The following WHRN variants were observed in gnomAD, a reference collection of about 807,000 sequenced individuals.
WHRN encodes whirlin.
Under a neutral mutation model 68.3 loss-of-function variants are expected in WHRN, and 41 were observed. That is an observed-to-expected ratio of 0.60 (90% CI 0.47 to 0.78). WHRN has a LOEUF of 0.78. Among genes scored for constraint, WHRN ranks in the 30% least tolerant of loss-of-function variants. The pLI, the probability that WHRN is intolerant of heterozygous loss-of-function variation, is 0.00. For synonymous variants in WHRN, 560 were observed against 561.3 expected (o/e 1.00, Z 0.03); for missense variants, 1,243 against 1,244.7 (o/e 1.00, Z 0.02).
intron 3 of WHRN, among the ~76,000 whole-genome samples, chr9:114,459,228 C>A (rs565206783): frequency 6.6e-6 from 1 of 151,984 alleles, no homozygotes; most frequent in African/African-American, 2.4e-5. Flanking sequence ...GAGGCCAAGG[C>A]GGGCGGATCA....
Position 114,402,704 on chromosome 9 carries a change from G to A in WHRN, c.*50C>T. The A allele has an allele frequency of 6.2e-7, 1 of 1,609,736 alleles. No individual in the cohort carries two copies. Among genetic ancestry groups the A allele is most frequent in the South Asian group, 1.1e-5 (1 of 90,918 alleles). On this transcript the variant is annotated 3_prime_UTR_variant, in exon 12 of 12. Transcript: ENST00000362057. ...CTTGATGAAGCCAACGGTGGAAAGGGACTGGGACCAGGGGCTGGGCAGTGG... is the reference window on the plus strand; with the variant it reads ...CTTGATGAAGCCAACGGTGGAAAGGAACTGGGACCAGGGGCTGGGCAGTGG...
At chr9:114,435,862 C>T (rs1837803102) in intron 3 of WHRN, among the ~76,000 whole-genome samples, 1 of 151,062 alleles carries the variant, frequency 6.6e-6, no homozygotes, top group Non-Finnish European at 1.5e-5. Context: ...TTAACAACAC[C>T]TATATGAAGA....
rs150534136 is a variant in WHRN, at chr9:114,406,902, G to A, written c.1699-10C>T. ...TGGATCTGACATCATCCTGCCAAAA[G>A]ACCCAACAGGCGGAGAAGGAGTCAG... On this transcript the variant is annotated splice_polypyrimidine_tract_variant and intron_variant, in intron 8 of 11. Transcript: ENST00000362057. 2.4e-5 allele frequency: 38 copies of A among 1,563,196 alleles called. No individual in the cohort carries two copies. In the African/African-American group the frequency reaches 3.3e-4, roughly 13 times the overall value.
At chr9:114,477,595 A>G (rs1841754584) in intron 2 of WHRN, among the ~76,000 whole-genome samples, 1 of 152,030 alleles carries the variant, frequency 6.6e-6, no homozygotes, top group Non-Finnish European at 1.5e-5. Context: ...GGTCTTGTCA[A>G]TCAAAGTCCC....
intron 1 of WHRN, among the ~76,000 whole-genome samples, chr9:114,492,421 G>A (rs1466122157): frequency 2.6e-5 from 4 of 152,238 alleles, no homozygotes; most frequent in Middle Eastern, 3.4e-3. Context: ...TCTTCACTAC[G>A]ATATATTATG....
chr9:114,418,254 G>A (rs1299215870), intron 7 of WHRN, among the ~76,000 whole-genome samples: 1 of 152,180 alleles, frequency 6.6e-6, no homozygotes, highest in East Asian at 1.9e-4. Flanking sequence ...GGAAGGGTGA[G>A]CAAAAGGGCC....
rs201299182 is a variant in WHRN, at chr9:114,424,453, G to C, written c.1297C>G (p.Leu433Val). ...RVLLEEQARHLLNEQEHATMA... is the reference protein window; with the variant it reads ...RVLLEEQARHVLNEQEHATMA... ...GTGGCGTGTTCCTGCTCGTTCAGCAGGTGCCGAGCCTGCTCCTCCAGCAGC... is the reference window on the plus strand; with the variant it reads ...GTGGCGTGTTCCTGCTCGTTCAGCACGTGCCGAGCCTGCTCCTCCAGCAGC... Residue 433 changes from leucine to valine, a missense_variant, in exon 6 of 12, where the codon CTG becomes GTG. Physicochemically the swap from Leu to Val is conservative, Grantham distance 32 (BLOSUM62 1). Transcript: ENST00000362057. 1 of 1,613,840 alleles carries C rather than the reference G, an allele frequency of 6.2e-7. No individual in the cohort carries two copies. Among genetic ancestry groups the C allele is most frequent in the Non-Finnish European group, 8.5e-7 (1 of 1,180,000 alleles).
rs544275290 is a variant in WHRN, at chr9:114,493,873, T to C, written c.618+10311A>G. 8.5e-5 allele frequency among the ~76,000 whole-genome samples: 13 copies of C among 152,244 alleles called. No homozygotes were observed. The East Asian group carries it at 2.5e-3, about 29-fold the overall frequency. On this transcript the variant is annotated intron_variant, in intron 1 of 11. Transcript: ENST00000362057. ...AAAGCCATTTCCACAAGGAAAAAAC[T>C]CAGGGAGGAAACGCACATTTACTGA...
intron 3 of WHRN, among the ~76,000 whole-genome samples, chr9:114,449,389 A>G (rs2132685645): frequency 6.6e-6 from 1 of 152,332 alleles, no homozygotes; most frequent in South Asian, 2.1e-4. Flanking sequence ...CACACGAACA[A>G]ATGATCTCAC....
chr9:114,446,906 C>G (rs958206661), intron 3 of WHRN, among the ~76,000 whole-genome samples: 2 of 152,058 alleles, frequency 1.3e-5, no homozygotes, highest in Admixed American at 1.3e-4. Flanking sequence ...CTTCCCCCTC[C>G]CTCCCCAACT....
At chr9:114,407,875 T>C in intron 8 of WHRN, 72 bp downstream of exon 8, 1 of 1,306,260 alleles carries the variant, frequency 7.7e-7, no homozygotes, top group Non-Finnish European at 1.1e-6. Flanking sequence ...GTGGCTGTCA[T>C]GGAGAGGAGA....
chr9:114,466,625 C>A (rs1840722906), intron 2 of WHRN, among the ~76,000 whole-genome samples: 1 of 152,156 alleles, frequency 6.6e-6, no homozygotes, highest in African/African-American at 2.4e-5. Context: ...GTCACAGCTG[C>A]AAGTGTAGTG....
At position 114,406,364 on chromosome 9, in the gene WHRN, G is replaced by A; in HGVS notation, c.2227C>T (p.Gln743Ter). The A allele has an allele frequency of 6.2e-7, 1 of 1,614,090 alleles. No individual in the cohort carries two copies. Among genetic ancestry groups the A allele is most frequent in the Non-Finnish European group, 8.5e-7 (1 of 1,180,048 alleles). ...GCCTTGCTGTACTCACTGCGCGTCT[G>A]GGGCAGCGCCCTCACTTCATTGACG... ...PDVNEVRALP[Q>*]TRTASTLSQL... The change falls in exon 9 of 12, where the codon CAG becomes TAG. Residue 743 changes from glutamine to a stop codon, truncating the protein, a stop_gained. Transcript: ENST00000362057. LOFTEE classifies it high-confidence loss of function.
intron 1 of WHRN, among the ~76,000 whole-genome samples, chr9:114,483,046 A>G (rs1213306275): frequency 1.3e-5 from 2 of 152,126 alleles, no homozygotes; most frequent in African/African-American, 2.4e-5. Flanking sequence ...CCATCACAGG[A>G]CTCTGAGATT....
chr9:114,490,287 G>T (rs1842874487), intron 1 of WHRN, among the ~76,000 whole-genome samples: 1 of 152,234 alleles, frequency 6.6e-6, no homozygotes, highest in South Asian at 2.1e-4. Flanking sequence ...AAGGAAGCAG[G>T]TGATTCGACA....
intron 7 of WHRN, among the ~76,000 whole-genome samples, chr9:114,412,993 T>C (rs1389596930): frequency 6.6e-6 from 1 of 152,234 alleles, no homozygotes; most frequent in African/African-American, 2.4e-5. Context: ...TCCAGCTCTT[T>C]GTTCGTTGGG....
At chr9:114,493,047 G>A (rs192286072) in intron 1 of WHRN, among the ~76,000 whole-genome samples, 1 of 152,060 alleles carries the variant, frequency 6.6e-6, no homozygotes, top group Admixed American at 6.5e-5. Context: ...GTCCATATAT[G>A]TTAGGTAATT....
intron 3 of WHRN, among the ~76,000 whole-genome samples, chr9:114,456,039 A>C (rs910762376): frequency 6.6e-6 from 1 of 151,892 alleles, no homozygotes; most frequent in African/African-American, 2.4e-5. Flanking sequence ...GGGTACTTGA[A>C]GTATGGTTTT....
chr9:114,424,263 G>A, intron 6 of WHRN, 71 bp downstream of exon 6: 2 of 1,562,954 alleles, frequency 1.3e-6, no homozygotes, highest in Non-Finnish European at 1.8e-6. Flanking sequence ...TCTCAGCAAA[G>A]GAGCGGGGGC....
Sources: gnomAD v4.1 joint callset for allele counts (sites outside exome capture counted in the v4.1 genomes callset) on GRCh38, gnomAD v4.1.1 for gene constraint, MANE v1.5 for transcripts, NCBI Gene and HGNC (gene_info 2026-07-23, HGNC 2026-07-21) for gene names.